Variants in SEL1L2 observed in about 807,000 individuals in gnomAD.
The protein encoded by SEL1L2 is SEL1L2 adaptor subunit of SYVN1 ubiquitin ligase, also known as protein sel-1 homolog 2.
SEL1L2 carries 89 observed loss-of-function variants against 98.8 expected under a neutral mutation model. The ratio of observed to expected loss-of-function variants is 0.90; its 90% CI spans 0.76 to 1.07. The LOEUF (loss-of-function observed/expected upper bound fraction) is 1.07, where lower values mean the gene tolerates loss of function less well. Ranked by LOEUF, SEL1L2 falls within the 50% of genes least tolerant of loss-of-function variation. The probability of loss-of-function intolerance (pLI) is 0.00; values close to 1 mark genes in which losing one functional copy is unlikely to be tolerated. For missense variants in SEL1L2, 788 were observed against 812.0 expected (o/e 0.97, Z 0.36); for synonymous variants, 262 against 278.5 (o/e 0.94, Z 0.59).
chr20:13,966,972 C>T (rs1392949501), intron 1 of SEL1L2, among the ~76,000 whole-genome samples: 1 of 148,972 alleles, frequency 6.7e-6, no homozygotes, highest in Non-Finnish European at 1.5e-5. Flanking sequence ...ATCTCTGCCT[C>T]CTGGGTTCAA....
chr20:13,904,562 T>C (rs1302321460), intron 5 of SEL1L2, among the ~76,000 whole-genome samples: 1 of 151,836 alleles, frequency 6.6e-6, no homozygotes, highest in East Asian at 1.9e-4. Flanking sequence ...TATATATAAA[T>C]AAATACTCTC....
chr20:13,886,229 G>C lies in SEL1L2; in HGVS notation c.900+59C>G, dbSNP rs1007823950. 3.8e-6 allele frequency: 5 copies of C among 1,313,146 alleles called. No homozygotes were observed. In the Admixed American group the frequency reaches 9.8e-5, roughly 26 times the overall value. The allele number at this position is 1,313,146 out of a possible 1,614,324, so 81.3% of individuals were successfully genotyped here. Reference sequence around the variant, plus strand: ...TGTTCATCCCTCCAGGACTCAGAAAGAATTAAGCCCCTTGTAATTTTCATG... The same window carrying C: ...TGTTCATCCCTCCAGGACTCAGAAACAATTAAGCCCCTTGTAATTTTCATG... On this transcript the variant is annotated intron_variant, in intron 9 of 19. Transcript: ENST00000284951.
intron 3 of SEL1L2, among the ~76,000 whole-genome samples, chr20:13,921,705 A>G (rs757202418): frequency 6.6e-5 from 10 of 152,198 alleles, no homozygotes; most frequent in African/African-American, 2.4e-4. Context: ...AATTTATTTT[A>G]AAGCAAAAAA....
At chr20:13,946,297 G>T (rs1158089175) in intron 2 of SEL1L2, among the ~76,000 whole-genome samples, 1 of 152,072 alleles carries the variant, frequency 6.6e-6, no homozygotes, top group Non-Finnish European at 1.5e-5. Flanking sequence ...AACAAAAGTT[G>T]CAGAATACAA....
In SEL1L2 at chr20:13,938,356, G is replaced by A. The variant is rs140904946; in HGVS notation, c.115-6585C>T. On this transcript the variant is annotated intron_variant, in intron 2 of 19. Coordinates refer to ENST00000284951, the MANE Select transcript of SEL1L2 (RefSeq NM_025229.2). ...GGCCTCCCAAAGTGCTGGGATTACA[G>A]GCGTAAGCCACTGCGCCTGGTCCAG... 4.0e-3 allele frequency among the ~76,000 whole-genome samples: 613 copies of A among 152,234 alleles called. 1 individual carries two copies. Among genetic ancestry groups the A allele is most frequent in the East Asian group, 9.9e-3 (51 of 5,176 alleles).
At position 13,888,043 on chromosome 20, in the gene SEL1L2, T is replaced by C. The variant is rs766078623; in HGVS notation, c.604-42A>G. 5.1e-6 allele frequency: 8 copies of C among 1,570,598 alleles called. No individual in the cohort carries two copies. The East Asian group carries it at 6.7e-5, about 13-fold the overall frequency. ...CAAACAAAAAACCCCCCAAACCAGG[T>C]TGGCCATTTAAATTTGAAACTCAAA... On this transcript the variant is annotated intron_variant, in intron 6 of 19. Transcript: ENST00000284951.
chr20:13,988,435 C>T (rs1477515490), intron 1 of SEL1L2, among the ~76,000 whole-genome samples: 2 of 152,180 alleles, frequency 1.3e-5, no homozygotes, highest in East Asian at 3.9e-4. Context: ...TCTCCTCCTG[C>T]ACCTCCCACA....
At chr20:13,873,579 C>A (rs2046299654) in intron 12 of SEL1L2, among the ~76,000 whole-genome samples, 1 of 151,968 alleles carries the variant, frequency 6.6e-6, no homozygotes, top group South Asian at 2.1e-4. Flanking sequence ...CCAGGATGGT[C>A]TCGATCTCTT....
In SEL1L2 at chr20:13,867,899, C is replaced by T. The variant is rs757566608; in HGVS notation, c.1256-1049G>A. Among the ~76,000 whole-genome samples the T allele has an allele frequency of 1.1e-4, 17 of 152,004 alleles. No individual in the cohort carries two copies. In the East Asian group the frequency reaches 1.5e-3, roughly 14 times the overall value. On this transcript the variant is annotated intron_variant, in intron 14 of 19. Transcript: ENST00000284951. ...AAAACAGGTGCTCCTGCTGGGCCAC[C>T]GTGGAAAATGCCAGTGACCCCTTGA...
At chr20:13,872,193 A>G (rs902941378) in intron 12 of SEL1L2, among the ~76,000 whole-genome samples, 2 of 152,104 alleles carry the variant, frequency 1.3e-5, no homozygotes, top group Non-Finnish European at 2.9e-5. Flanking sequence ...AGTAGTAAGG[A>G]TCAGTGTGAT....
chr20:13,890,824 T>TA (rs139456204), intron 5 of SEL1L2, among the ~76,000 whole-genome samples: 4 of 152,038 alleles, frequency 2.6e-5, no homozygotes, highest in African/African-American at 7.2e-5. Flanking sequence ...GAGAAACTAT[T>TA]AAAAAAACAG....
intron 1 of SEL1L2, among the ~76,000 whole-genome samples, chr20:13,957,180 T>C (rs1341925944): frequency 6.6e-6 from 1 of 152,036 alleles, no homozygotes; most frequent in African/African-American, 2.4e-5. Flanking sequence ...TGGCTCCCTA[T>C]AACCTCTGCC....
intron 1 of SEL1L2, among the ~76,000 whole-genome samples, chr20:13,977,830 T>C (rs2148535722): frequency 6.6e-6 from 1 of 152,154 alleles, no homozygotes; most frequent in East Asian, 1.9e-4. Flanking sequence ...CTAAAAATTA[T>C]AAAAATTTGA....
chr20:13,850,076 T>C (rs1453538258), intron 19 of SEL1L2, 115 bp downstream of exon 19: 2 of 1,201,566 alleles, frequency 1.7e-6, no homozygotes, highest in South Asian at 1.5e-5. Context: ...TGAATTTTAC[T>C]TCTCAAAGGA....
chr20:13,985,494 C>A (rs1482337998), intron 1 of SEL1L2, among the ~76,000 whole-genome samples: 1 of 152,128 alleles, frequency 6.6e-6, no homozygotes, highest in Non-Finnish European at 1.5e-5. Flanking sequence ...TTAGAATTGA[C>A]CTCTCCCTCA....
intron 2 of SEL1L2, among the ~76,000 whole-genome samples, chr20:13,946,730 G>A (rs920799170): frequency 2.6e-5 from 4 of 152,318 alleles, no homozygotes; most frequent in East Asian, 1.9e-4. Flanking sequence ...CTCTTGGGGC[G>A]AGAAACCCTC....
chr20:13,850,569 G>T (rs1988086268), intron 18 of SEL1L2, among the ~76,000 whole-genome samples: 2 of 152,158 alleles, frequency 1.3e-5, no homozygotes, highest in South Asian at 4.1e-4. Flanking sequence ...GACTCAACTT[G>T]CCATTGTTGG....
At position 13,865,429 on chromosome 20, in the gene SEL1L2, G is replaced by A. The variant is rs767205426; in HGVS notation, c.1490C>T (p.Ser497Phe). Residue 497 changes from serine (S) to phenylalanine (F), a missense_variant, in exon 16 of 20, where the codon TCT becomes TTT. By Grantham distance (155) the Ser-to-Phe change is radical (BLOSUM62 -2). Coordinates refer to ENST00000284951, the MANE Select transcript of SEL1L2 (RefSeq NM_025229.2). ...YFAYKDGDIDSSLVQYALLAE... is the reference protein window; with the variant it reads ...YFAYKDGDIDFSLVQYALLAE... ...AAGCAGTGCATACTGAACAAGAGAA[G>A]AATCTATATCACCATCCTTATAGGC... 1 of 1,614,060 alleles carries A rather than the reference G, an allele frequency of 6.2e-7. No individual in the cohort carries two copies. The highest frequency in any genetic ancestry group is 1.1e-5 in the South Asian group (1 of 91,076).
chr20:13,920,321 A>G (rs1230236248), intron 3 of SEL1L2, among the ~76,000 whole-genome samples: 1 of 152,054 alleles, frequency 6.6e-6, no homozygotes, highest in Non-Finnish European at 1.5e-5. Flanking sequence ...CAGAATACTC[A>G]TGATAACTTG....
Sources: gnomAD v4.1 joint callset for allele counts (sites outside exome capture counted in the v4.1 genomes callset) on GRCh38, gnomAD v4.1.1 for gene constraint, MANE v1.5 for transcripts, NCBI Gene and HGNC (gene_info 2026-07-23, HGNC 2026-07-21) for gene names.